Variants in HDAC6 observed in about 807,000 individuals in gnomAD.
The protein encoded by HDAC6 is protein deacetylase HDAC6.
Under a neutral mutation model 88.9 loss-of-function variants are expected in HDAC6, and 5 were observed. The observed-to-expected ratio is 0.06, with a 90% CI of 0.03 to 0.12. HDAC6 has a LOEUF of 0.12. Ranked by LOEUF, HDAC6 falls within the 10% of genes least tolerant of loss-of-function variation. HDAC6 has a pLI of 1.00. For synonymous variants in HDAC6, 378 were observed against 398.0 expected, an observed-to-expected ratio of 0.95 and a Z score of 0.60; for missense variants, 706 against 1,014.4, an observed-to-expected ratio of 0.70 and a Z score of 4.13.
chrX:48,814,916 G>T, intron 13 of HDAC6, 23 bp downstream of exon 13: 5 of 1,209,816 alleles, frequency 4.1e-6, no homozygotes, highest in Non-Finnish European at 5.6e-6. Flanking sequence ...CCCTGGGGCG[G>T]CAGGTGGGTT....
At chrX:48,817,164 A>G in intron 19 of HDAC6, 162 bp from the exon 20 acceptor site, 1 of 512,303 alleles carries the variant, frequency 2.0e-6, no homozygotes, top group Non-Finnish European at 2.9e-6. Context: ...AGGCAGGAGA[A>G]TGGCGGGAAC....
chrX:48,802,583 G>A, intron 1 of HDAC6, 80 bp from the exon 2 acceptor site: 2 of 1,152,788 alleles, frequency 1.7e-6, no homozygotes, highest in South Asian at 1.9e-5. Flanking sequence ...AGGGGGCGGA[G>A]CCTGGAAAAG....
chrX:48,824,104 G>A (rs377535555), intron 27 of HDAC6, 36 bp downstream of exon 27: 72 of 1,202,870 alleles, frequency 6.0e-5, no homozygotes, highest in Non-Finnish European at 7.4e-5. Flanking sequence ...GCGGAGGTTG[G>A]CCCGGGAGCA....
chrX:48,817,097 A>G, intron 19 of HDAC6: 1 of 310,955 alleles, frequency 3.2e-6, no homozygotes, highest in Non-Finnish European at 5.6e-6. Flanking sequence ...AGAAACATAC[A>G]AAAAATTAGC....
chrX:48,824,625 G>A lies in HDAC6; in HGVS notation c.*13G>A, dbSNP rs1002558535. The A allele has an allele frequency of 8.3e-6, 10 of 1,206,016 alleles. No individual in the cohort carries two copies. The highest frequency in any genetic ancestry group is 1.1e-5 in the Non-Finnish European group (10 of 892,919). On this transcript the variant is annotated 3_prime_UTR_variant, in exon 29 of 29. Coordinates refer to ENST00000334136, the MANE Select transcript of HDAC6 (RefSeq NM_006044.4). ...CCACCCACACTAAGCCCCAGAATAC[G>A]GTCCCTCTTCACCTTCTGAGGCCCA... is the stretch of plus-strand genomic sequence containing the variant.
chrX:48,815,541 T>C, intron 15 of HDAC6, 34 bp from the exon 16 acceptor site: 1 of 1,204,363 alleles, frequency 8.3e-7, no homozygotes, highest in Non-Finnish European at 1.1e-6. Context: ...CCCGCCCACA[T>C]TCCTTGACAT....
rs782044479 is a variant in HDAC6, at chrX:48,815,875, C to G, written c.1325-9C>G. The G allele has an allele frequency of 2.5e-6, 3 of 1,205,747 alleles. No homozygotes were observed. In the African/African-American group the frequency reaches 5.3e-5, roughly 21 times the overall value. On this transcript the variant is annotated splice_polypyrimidine_tract_variant and intron_variant, in intron 16 of 28. Coordinates refer to ENST00000334136, the MANE Select transcript of HDAC6 (RefSeq NM_006044.4). ...AGAGGGTAGGACAAACGTGGCCTCC[C>G]CCTTTTAGCTGAGACCGTGGAGAGG...
intron 23 of HDAC6, among the ~76,000 whole-genome samples, chrX:48,821,799 C>T (rs781950553): frequency 1.8e-5 from 2 of 111,961 alleles, no homozygotes; most frequent in Non-Finnish European, 3.8e-5. Flanking sequence ...TGAGCCACCG[C>T]GCCCAGCCTG....
intron 19 of HDAC6, chrX:48,817,104 T>C: frequency 3.2e-6 from 1 of 312,579 alleles, no homozygotes; most frequent in Non-Finnish European, 5.5e-6. Flanking sequence ...TACAAAAAAT[T>C]AGCCGGGCGT....
At chrX:48,815,816 C>T in intron 16 of HDAC6, 68 bp from the exon 17 acceptor site, 1 of 1,141,067 alleles carries the variant, frequency 8.8e-7, no homozygotes, top group South Asian at 1.9e-5. Context: ...GTTTGGGTCA[C>T]CTGAGTTCCA....
chrX:48,820,034 G>T, intron 22 of HDAC6, 72 bp from the exon 23 acceptor site: 1 of 1,029,781 alleles, frequency 9.7e-7, no homozygotes, highest in East Asian at 3.0e-5. Flanking sequence ...CATGTCTCTG[G>T]GTCGCCATCA....
In HDAC6 at chrX:48,818,096, G is replaced by C; in HGVS notation, c.1981G>C (p.Glu661Gln). The C allele has an allele frequency of 8.3e-7, 1 of 1,198,633 alleles. No individual in the cohort carries two copies. Residue 661 changes from glutamate (E) to glutamine (Q), a missense_variant, in exon 21 of 29, where the codon GAG becomes CAG. Physicochemically the swap from Glu to Gln is conservative, Grantham distance 29. Coordinates refer to ENST00000334136, the MANE Select transcript of HDAC6 (RefSeq NM_006044.4). ...HHGNGTQHMFEDDPSVLYVSL... is the reference protein window; with the variant it reads ...HHGNGTQHMFQDDPSVLYVSL... ...CGGTAATGGAACTCAGCACATGTTT[G>C]AGGATGACCCCAGGTAAGGGCTGCA...
At chrX:48,801,877 G>T, upstream of HDAC6, 1 of 972,334 alleles carries the variant, frequency 1.0e-6, no homozygotes, top group Non-Finnish European at 1.3e-6. Flanking sequence ...CCCACAGGTC[G>T]CCAGAAACTT....
Position 48,814,624 on chromosome X carries a change from C to G in HDAC6, c.934-51C>G, listed in dbSNP as rs782638509. 3 of 1,203,382 alleles carry G rather than the reference C, an allele frequency of 2.5e-6. No homozygotes were observed. In the South Asian group the frequency reaches 5.4e-5, roughly 22 times the overall value. On this transcript the variant is annotated intron_variant, in intron 11 of 28. Coordinates refer to ENST00000334136, the MANE Select transcript of HDAC6 (RefSeq NM_006044.4). Reference sequence around the variant, plus strand: ...AGGCCCAGCCCCGCCCTTCTGTCAGCGGCTCGGGACAGGTGGCTGAACATC... The same window carrying G: ...AGGCCCAGCCCCGCCCTTCTGTCAGGGGCTCGGGACAGGTGGCTGAACATC...
Position 48,802,940 on chromosome X carries a change from A to G in HDAC6, c.163A>G (p.Lys55Glu), listed in dbSNP as rs1179431271. ...TCTAGCGGAGGTAAAGAAGAAAGGC[A>G]AAATGAAGAAGCTCGGCCAAGCAAT... ...PNLAEVKKKG[K>E]MKKLGQAMEE... The change falls in exon 3 of 29, where the codon AAA becomes GAA. Residue 55 changes from lysine (K) to glutamate (E), a missense_variant. Physicochemically the swap from Lys to Glu is moderately conservative, Grantham distance 56. Around this residue, in one of 9 missense-constraint regions of HDAC6, gnomAD observed 193 missense variants for 258.2 expected, o/e 0.75. Transcript: ENST00000334136. 11 of 1,208,609 alleles carry G rather than the reference A, an allele frequency of 9.1e-6. No homozygotes were observed. Among genetic ancestry groups the G allele is most frequent in the Non-Finnish European group, 1.2e-5 (11 of 894,321 alleles).
Position 48,816,132 on chromosome X carries a change from C to A in HDAC6, c.1494-9C>A, listed in dbSNP as rs2062980956. On this transcript the variant is annotated splice_polypyrimidine_tract_variant and intron_variant, in intron 17 of 28. Transcript: ENST00000334136. The stretch of plus-strand genomic sequence containing the variant: ...ACTAAGCCTCTACCTCTCGTTTCCC[C>A]ACTGCTAGCCACCACCCTGAGGTAC... 1 of 1,211,097 alleles carries A rather than the reference C, an allele frequency of 8.3e-7. No individual in the cohort carries two copies. Among genetic ancestry groups the A allele is most frequent in the East Asian group, 3.0e-5 (1 of 33,844 alleles).
chrX:48,801,801 G>A (rs1557022378), upstream of HDAC6: 2 of 942,413 alleles, frequency 2.1e-6, no homozygotes, highest in Non-Finnish European at 2.7e-6. Flanking sequence ...CCCTCTGGAG[G>A]CGGGATCTGG....
intron 22 of HDAC6, chrX:48,819,860 A>G (rs2063052035): frequency 2.1e-6 from 1 of 473,767 alleles, no homozygotes. Context: ...CCTTTCTGCC[A>G]TCTCCATGTC....
chrX:48,815,918 C>T lies in HDAC6; in HGVS notation c.1359C>T (p.Asp453=). The part of the protein sequence containing the change: ...ETVERDNMEE[D]NVEESEEEGP... Reference sequence around the variant, plus strand: ...TGGAGAGGGACAACATGGAGGAGGACAATGTAGAGGAGAGCGAGGAGGAAG... The same window carrying T: ...TGGAGAGGGACAACATGGAGGAGGATAATGTAGAGGAGAGCGAGGAGGAAG... The change falls in exon 17 of 29, where the codon GAC becomes GAT. Residue 453 remains aspartate (D), a synonymous_variant. Transcript: ENST00000334136. The T allele has an allele frequency of 8.3e-7, 1 of 1,211,065 alleles. No individual in the cohort carries two copies. The highest frequency in any genetic ancestry group is 1.1e-6 in the Non-Finnish European group (1 of 895,085).
Sources: gnomAD v4.1 joint callset for allele counts (sites outside exome capture counted in the v4.1 genomes callset) on GRCh38, gnomAD v4.1.1 for gene constraint, gnomAD v4.1.1 regional missense constraint, MANE v1.5 for transcripts, NCBI Gene and HGNC (gene_info 2026-07-23, HGNC 2026-07-21) for gene names.